Variants in ANKRD36 observed in about 807,000 individuals in gnomAD.
ANKRD36 encodes ankyrin repeat domain 36, also known as ankyrin repeat domain-containing protein 36A.
ANKRD36 carries 179 observed loss-of-function variants against 278.1 expected under a neutral mutation model. That is an observed-to-expected ratio of 0.64 (90% confidence interval 0.57 to 0.73). The LOEUF is 0.73. Among genes scored for constraint, ANKRD36 ranks in the 30% least tolerant of loss-of-function variants. ANKRD36 has a pLI of 0.00. For missense variants in ANKRD36, 1,159 were observed against 1,956.7 expected, an observed-to-expected ratio of 0.59 and a Z score of 7.69; for synonymous variants, 320 against 641.1, an observed-to-expected ratio of 0.50 and a Z score of 7.57.
intron 24 of ANKRD36, among the ~76,000 whole-genome samples, chr2:97,180,268 T>C (rs942116807): frequency 3.3e-5 from 5 of 151,600 alleles, no homozygotes; most frequent in Non-Finnish European, 7.4e-5. Flanking sequence ...GATGAAGTAA[T>C]AGATATTATA....
chr2:97,195,724 A>C (rs190227364), intron 40 of ANKRD36, among the ~76,000 whole-genome samples: 1 of 152,102 alleles, frequency 6.6e-6, no homozygotes, highest in Non-Finnish European at 1.5e-5. Context: ...AGAAAATAAC[A>C]TGATACTGCC....
chr2:97,209,155 G>T (rs558501652), intron 54 of ANKRD36, among the ~76,000 whole-genome samples: 1 of 146,672 alleles, frequency 6.8e-6, no homozygotes, highest in Non-Finnish European at 1.5e-5. Flanking sequence ...TATCCAAGGT[G>T]ATCAATTCAG....
chr2:97,116,287 T>C (rs2035323336), intron 1 of ANKRD36, among the ~76,000 whole-genome samples: 1 of 152,112 alleles, frequency 6.6e-6, no homozygotes, highest in Admixed American at 6.6e-5. Context: ...TTTGTTTGTT[T>C]ATTTTTGAGA....
At chr2:97,202,298 A>G (rs1385632816) in intron 47 of ANKRD36, 23 bp from the exon 48 acceptor site, 1 of 1,591,500 alleles carries the variant, frequency 6.3e-7, no homozygotes, top group South Asian at 1.1e-5. Context: ...TTTATTTATT[A>G]TTTCGTTTTA....
chr2:97,180,054 T>G lies in ANKRD36; in HGVS notation c.1735+121T>G, dbSNP rs148787888. Reference sequence around the variant, plus strand: ...ACGTTCTGATTCAGTACACCTGAGATTCTTCATTTGTAGTGAGTTCTCAGG... The same window carrying G: ...ACGTTCTGATTCAGTACACCTGAGAGTCTTCATTTGTAGTGAGTTCTCAGG... On this transcript the variant is annotated intron_variant, in intron 24 of 75. Coordinates refer to ENST00000420699, the MANE Select transcript of ANKRD36 (RefSeq NM_001354587.1). The G allele has an allele frequency of 4.0e-3, 5,767 of 1,456,082 alleles. 220 individuals are homozygous for G. The African/African-American group carries it at 0.074, about 19-fold the overall frequency. 90.2% of individuals were successfully genotyped at this position (1,456,082 alleles called of 1,614,324 possible). A position where few individuals can be genotyped will look rare whatever the true frequency, so the allele number is the denominator to read the frequency against.
intron 40 of ANKRD36, 121 bp from the exon 41 acceptor site, chr2:97,196,471 AG>A: frequency 6.5e-7 from 1 of 1,530,904 alleles, no homozygotes; most frequent in Non-Finnish European, 8.8e-7. Flanking sequence ...ACAAAGTAGA[AG>A]CCATCAAAGC....
chr2:97,198,237 C>T (rs1235142666), intron 42 of ANKRD36, among the ~76,000 whole-genome samples: 2 of 151,900 alleles, frequency 1.3e-5, no homozygotes, highest in Non-Finnish European at 1.5e-5. Context: ...TGGCATATGA[C>T]AAATCATACC....
At chr2:97,210,321 G>T (rs2064092231) in intron 56 of ANKRD36, among the ~76,000 whole-genome samples, 1 of 151,792 alleles carries the variant, frequency 6.6e-6, no homozygotes, top group Non-Finnish European at 1.5e-5. Context: ...TTTTCCTAAG[G>T]AAGACGGATT....
chr2:97,248,498 T>C (rs1354367952), intron 72 of ANKRD36: 1 of 115,180 alleles, frequency 8.7e-6, no homozygotes, highest in Non-Finnish European at 1.5e-5. Context: ...TAGGATCTTA[T>C]TTGGAACTGA....
chr2:97,148,111 A>G (rs1321801000), intron 11 of ANKRD36, among the ~76,000 whole-genome samples: 1 of 151,884 alleles, frequency 6.6e-6, no homozygotes, highest in East Asian at 2.0e-4. Context: ...GGAGCTGGAG[A>G]TTGCTTAAGT....
At chr2:97,228,521 C>T (rs2153667659) in intron 67 of ANKRD36, among the ~76,000 whole-genome samples, 1 of 152,178 alleles carries the variant, frequency 6.6e-6, no homozygotes, top group East Asian at 2.0e-4. Context: ...TTTGATTCTT[C>T]TCTCTTTTCT....
At chr2:97,210,301 G>T (rs1185821163) in intron 56 of ANKRD36, among the ~76,000 whole-genome samples, 1 of 151,828 alleles carries the variant, frequency 6.6e-6, no homozygotes, top group Non-Finnish European at 1.5e-5. Flanking sequence ...GACCCCTGGT[G>T]TAGCAACTAT....
At chr2:97,182,816 C>A (rs1389344414) in intron 26 of ANKRD36, among the ~76,000 whole-genome samples, 3 of 151,504 alleles carry the variant, frequency 2.0e-5, no homozygotes, top group African/African-American at 4.8e-5. Flanking sequence ...GATGAAGAAC[C>A]TTTCTGTAGC....
intron 22 of ANKRD36, among the ~76,000 whole-genome samples, chr2:97,170,663 C>T (rs1193943893): frequency 4.0e-5 from 6 of 151,876 alleles, no homozygotes; most frequent in African/African-American, 7.3e-5. Flanking sequence ...ATGTCCAAAA[C>T]ACCAAAAGCA....
intron 6 of ANKRD36, among the ~76,000 whole-genome samples, chr2:97,141,348 C>T (rs913953148): frequency 1.4e-5 from 2 of 143,682 alleles, no homozygotes; most frequent in African/African-American, 5.1e-5. Context: ...TGCATGATTT[C>T]TTTGACATGT....
intron 22 of ANKRD36, among the ~76,000 whole-genome samples, chr2:97,174,643 C>A (rs1186958930): frequency 5.3e-5 from 8 of 151,618 alleles, no homozygotes; most frequent in Non-Finnish European, 1.0e-4. Context: ...ATTGCCCTGG[C>A]CAGAACTTCC....
chr2:97,180,808 AGTG>A lies in ANKRD36; in HGVS notation c.1736-786_1736-784del, dbSNP rs1462428501. Among the ~76,000 whole-genome samples, 8 of 151,688 alleles carry A rather than the reference AGTG, an allele frequency of 5.3e-5. No homozygotes were observed. In the Admixed American group the frequency reaches 5.3e-4, roughly 10 times the overall value. ...ATGTTGAATTCTAATTAACTCCTAA[AGTG>A]GTGATTTTCAATGAATATTGGAGTG... On this transcript the variant is annotated intron_variant, in intron 24 of 75. Coordinates refer to ENST00000420699, the MANE Select transcript of ANKRD36 (RefSeq NM_001354587.1).
In ANKRD36 at chr2:97,146,357, G is replaced by A. The variant is rs2044256036; in HGVS notation, c.1004-129G>A. On this transcript the variant is annotated intron_variant, in intron 10 of 75. Transcript: ENST00000420699. ...GGTCTGAAATGCCTGGGCTTCTCAA[G>A]TGATATTTCTGCCTCAGCCTTTTGA... 7.5e-6 allele frequency: 5 copies of A among 663,756 alleles called. No individual in the cohort carries two copies. The South Asian group carries it at 1.4e-4, about 19-fold the overall frequency. The allele number at this position is 663,756 out of a possible 1,614,324, so 41.1% of individuals were successfully genotyped here.
chr2:97,210,757 A>G (rs35833219), intron 56 of ANKRD36, among the ~76,000 whole-genome samples: 20,789 of 149,742 alleles, frequency 0.14, 691 homozygotes, highest in Middle Eastern at 0.25. Context: ...ATTTTCAATG[A>G]ATATTGCAGT....
Sources: allele counts gnomAD v4.1 joint callset (sites outside exome capture counted in the v4.1 genomes callset), GRCh38; gene constraint gnomAD v4.1.1; transcripts MANE v1.5; gene names NCBI Gene and HGNC (gene_info 2026-07-23, HGNC 2026-07-21).